The following SLC17A2 variants were observed in gnomAD, a reference collection of about 807,000 sequenced individuals.
The protein encoded by SLC17A2 is solute carrier family 17 member 2, also known as sodium-dependent phosphate transport protein 3.
SLC17A2 carries 38 observed loss-of-function variants against 52.1 expected under a neutral mutation model. The ratio of observed to expected loss-of-function variants is 0.73; its 90% CI spans 0.56 to 0.96. The LOEUF (loss-of-function observed/expected upper bound fraction) is 0.96, where lower values mean the gene tolerates loss of function less well. Ranked by LOEUF, SLC17A2 falls within the 40% of genes least tolerant of loss-of-function variation. The pLI, the probability that SLC17A2 is intolerant of heterozygous loss-of-function variation, is 0.00. For missense variants in SLC17A2, 508 were observed against 583.9 expected (o/e 0.87, Z 1.34); for synonymous variants, 226 against 211.9 (o/e 1.07, Z -0.58).
Position 25,920,673 on chromosome 6 carries a change from G to A in SLC17A2, c.562+333C>T, listed in dbSNP as rs576168721. Among the ~76,000 whole-genome samples the A allele has an allele frequency of 2.6e-5, 4 of 152,170 alleles. No homozygotes were observed. The East Asian group carries it at 7.7e-4, about 29-fold the overall frequency. On this transcript the variant is annotated intron_variant, in intron 5 of 11. Transcript: ENST00000377850. ...CTCACTTCAAAATCATTGCTAAGAT[G>A]GTGTATATATAGCTTACTTGATCTT...
rs1483985433 is a variant in SLC17A2, at chr6:25,930,440, T to A, written c.-247A>T. The A allele has an allele frequency of 2.0e-5, 3 of 152,246 alleles. No homozygotes were observed. Among genetic ancestry groups the A allele is most frequent in the Non-Finnish European group, 4.4e-5 (3 of 68,042 alleles). The allele number at this position is 152,246 out of a possible 1,614,324, so 9.4% of individuals were successfully genotyped here. On this transcript the variant is annotated 5_prime_UTR_variant, in exon 1 of 12. Transcript: ENST00000377850. Reference sequence around the variant, plus strand: ...ATGGAGATCCTTATGTTGCTGTTAATGTCTTTTCTCTGACTTCTCCTAAAA... The same window carrying A: ...ATGGAGATCCTTATGTTGCTGTTAAAGTCTTTTCTCTGACTTCTCCTAAAA...
rs1431413930 is a variant in SLC17A2 at position 25,925,753 on chromosome 6, A to G, written c.28+16T>C. The G allele has an allele frequency of 9.3e-6, 15 of 1,612,234 alleles. No individual in the cohort carries two copies. Among genetic ancestry groups the G allele is most frequent in the Non-Finnish European group, 1.3e-5 (15 of 1,178,384 alleles). ...AGCTTATTAACATAGCCTGCAAACA[A>G]GAGCAGTGGCTTTACCTTTCCTGGT... On this transcript the variant is annotated intron_variant, in intron 2 of 11. Transcript: ENST00000377850.
chr6:25,929,534 T>A (rs1455904108), intron 1 of SLC17A2, among the ~76,000 whole-genome samples: 3 of 152,212 alleles, frequency 2.0e-5, no homozygotes, highest in Non-Finnish European at 4.4e-5. Flanking sequence ...GTTTCTTTTT[T>A]AAAGTGGATT....
intron 10 of SLC17A2, 67 bp from the exon 11 acceptor site, chr6:25,914,737 A>G (rs1421988003): frequency 4.2e-6 from 4 of 962,026 alleles, no homozygotes; most frequent in Non-Finnish European, 4.9e-6. Flanking sequence ...CAGCAACTCA[A>G]CTTTAATGCA....
At chr6:25,913,807 G>GT (rs71544657) in intron 11 of SLC17A2, among the ~76,000 whole-genome samples, 11,582 of 144,528 alleles carry the variant, frequency 0.08, 506 homozygotes, top group Non-Finnish European at 0.1. Context: ...TGTTTGTTTT[G>GT]TTTTTTTTTG....
rs768353353 is a variant in SLC17A2, at chr6:25,921,423, A to G, written c.241-11T>C. ...TTGATACACAGAGGCCTGGGGGAAA[A>G]ATAGGAAAACTCTTTGTCAAGAAGT... On this transcript the variant is annotated splice_polypyrimidine_tract_variant and intron_variant, in intron 3 of 11. Transcript: ENST00000377850. 4 of 1,590,062 alleles carry G rather than the reference A, an allele frequency of 2.5e-6. No individual in the cohort carries two copies. In the South Asian group the frequency reaches 3.3e-5, roughly 13 times the overall value.
intron 1 of SLC17A2, among the ~76,000 whole-genome samples, chr6:25,928,258 A>G (rs1766832247): frequency 6.6e-6 from 1 of 152,038 alleles, no homozygotes; most frequent in African/African-American, 2.4e-5. Flanking sequence ...TATTTTAATC[A>G]CAAGCTTAAA....
chr6:25,918,229 A>G (rs566929562), intron 6 of SLC17A2, among the ~76,000 whole-genome samples: 63 of 152,378 alleles, frequency 4.1e-4, no homozygotes, highest in Admixed American at 2.7e-3. Flanking sequence ...TGGAAGGACA[A>G]GACTGCATCA....
intron 1 of SLC17A2, among the ~76,000 whole-genome samples, chr6:25,929,071 T>C (rs1302137462): frequency 6.6e-6 from 1 of 152,216 alleles, no homozygotes; most frequent in Non-Finnish European, 1.5e-5. Flanking sequence ...GTCGTTAGAT[T>C]GCTCTTAGAT....
intron 8 of SLC17A2, 96 bp from the exon 9 acceptor site, chr6:25,915,964 A>C: frequency 1.7e-6 from 2 of 1,184,778 alleles, no homozygotes; most frequent in Non-Finnish European, 2.4e-6. Context: ...CCCCCATGAT[A>C]CTGTGGGTTG....
intron 11 of SLC17A2, among the ~76,000 whole-genome samples, chr6:25,914,169 G>A (rs1035602078): frequency 1.3e-5 from 2 of 152,060 alleles, no homozygotes; most frequent in African/African-American, 4.8e-5. Context: ...CTTTAAACTG[G>A]CCTAGGACAC....
chr6:25,923,851 GT>G lies in SLC17A2; in HGVS notation c.83del (p.Asn28ThrfsTer4). Reference sequence around the variant, plus strand: ...TCACACGCTGCGTTATCATGGTGAAGTTTGAGAAGTGCATGATAAGAGCCAG... The same window carrying G: ...TCACACGCTGCGTTATCATGGTGAAGTTGAGAAGTGCATGATAAGAGCCAG... ...YGLALIMHFS[N>X]FTMITQRVSL... On this transcript the variant is annotated frameshift_variant, in exon 3 of 12. Coordinates refer to ENST00000377850, the MANE Select transcript of SLC17A2 (RefSeq NM_001286123.3). LOFTEE classifies it high-confidence loss of function. 6.2e-7 allele frequency: 1 copy of G among 1,614,202 alleles called. No individual in the cohort carries two copies. The highest frequency in any genetic ancestry group is 8.5e-7 in the Non-Finnish European group (1 of 1,180,046).
intron 1 of SLC17A2, among the ~76,000 whole-genome samples, chr6:25,929,484 A>G (rs1766877118): frequency 6.6e-6 from 1 of 152,224 alleles, no homozygotes; most frequent in East Asian, 1.9e-4. Context: ...ATGTATTTCT[A>G]TAAAAGTGCC....
chr6:25,917,481 C>T (rs1766371387), intron 6 of SLC17A2, among the ~76,000 whole-genome samples: 1 of 152,220 alleles, frequency 6.6e-6, no homozygotes, highest in Non-Finnish European at 1.5e-5. Context: ...ATACACGAAA[C>T]AACCTTCCAT....
intron 1 of SLC17A2, among the ~76,000 whole-genome samples, chr6:25,930,028 G>A (rs1379295549): frequency 1.3e-5 from 2 of 152,188 alleles, no homozygotes; most frequent in African/African-American, 4.8e-5. Flanking sequence ...ATGTTGGCCA[G>A]GCTGGTCTCA....
At chr6:25,918,656 G>T in intron 5 of SLC17A2, 83 bp from the exon 6 acceptor site, 1 of 832,314 alleles carries the variant, frequency 1.2e-6, no homozygotes, top group Non-Finnish European at 2.1e-6. Flanking sequence ...TCCCAACAGT[G>T]AGGTGGCAGA....
At position 25,923,779 on chromosome 6, in the gene SLC17A2, T is replaced by A; in HGVS notation, c.156A>T (p.Gln52His). Reference protein sequence around the residue: ...IIAMVNTTQQQGLSNASTEGP... With the variant: ...IIAMVNTTQQHGLSNASTEGP... ...CCTCAGTGGAGGCATTAGATAGACC[T>A]TGCTGCTGAGTGGTGTTCACCATGG... Residue 52 changes from glutamine (Q) to histidine (H), a missense_variant, in exon 3 of 12, where the codon CAA becomes CAT. By Grantham distance (24) the Gln-to-His change is conservative. Coordinates refer to ENST00000377850, the MANE Select transcript of SLC17A2 (RefSeq NM_001286123.3). 1 of 1,614,190 alleles carries A rather than the reference T, an allele frequency of 6.2e-7. No homozygotes were observed. Among genetic ancestry groups the A allele is most frequent in the Non-Finnish European group, 8.5e-7 (1 of 1,180,024 alleles).
At chr6:25,916,231 C>T (rs920764797) in intron 8 of SLC17A2, among the ~76,000 whole-genome samples, 3 of 152,140 alleles carry the variant, frequency 2.0e-5, no homozygotes, top group Middle Eastern at 3.2e-3. Flanking sequence ...CAGGTGCCTG[C>T]CACCACACCT....
chr6:25,923,755 C>T lies in SLC17A2; in HGVS notation c.180G>A (p.Glu60=), dbSNP rs746899569. The change falls in exon 3 of 12, where the codon GAG becomes GAA. Residue 60 remains glutamate (E), a synonymous_variant. Transcript: ENST00000377850. ...QQQGLSNAST[E]GPVADAFNNS... ...TATTGAAGGCATCTGCAACAGGCCC[C>T]TCAGTGGAGGCATTAGATAGACCTT... 6.2e-7 allele frequency: 1 copy of T among 1,614,192 alleles called. No individual in the cohort carries two copies.
Sources: gnomAD v4.1 joint callset for allele counts (sites outside exome capture counted in the v4.1 genomes callset) on GRCh38, gnomAD v4.1.1 for gene constraint, MANE v1.5 for transcripts, NCBI Gene and HGNC (gene_info 2026-07-23, HGNC 2026-07-21) for gene names.